The following ACTN4 variants were observed in gnomAD, a reference collection of about 807,000 sequenced individuals.
The protein encoded by ACTN4 is alpha-actinin-4.
In ACTN4, 18 loss-of-function variants were observed where a neutral mutation model predicts 114.2. The observed-to-expected ratio is 0.16, with a 90% CI of 0.11 to 0.23. ACTN4 has a LOEUF of 0.23. ACTN4 is among the 10% of genes least tolerant of loss of function. ACTN4 has a pLI of 1.00. For synonymous variants in ACTN4, 515 were observed against 506.3 expected (o/e 1.02, Z -0.23); for missense variants, 722 against 1,262.9 (o/e 0.57, Z 6.49).
chr19:38,691,519 G>A (rs1373281120), intron 1 of ACTN4, among the ~76,000 whole-genome samples: 1 of 151,772 alleles, frequency 6.6e-6, no homozygotes, highest in East Asian at 1.9e-4. Flanking sequence ...TTTGAGGCAA[G>A]TCCTGAGTGA....
chr19:38,672,327 A>G (rs1227142703), intron 1 of ACTN4, among the ~76,000 whole-genome samples: 5 of 131,944 alleles, frequency 3.8e-5, no homozygotes, highest in Admixed American at 2.8e-4. Context: ...TGCAACCTCC[A>G]CCTCCCAGGT....
At chr19:38,651,026 C>G (rs1381916450) in intron 1 of ACTN4, among the ~76,000 whole-genome samples, 1 of 152,200 alleles carries the variant, frequency 6.6e-6, no homozygotes, top group African/African-American at 2.4e-5. Flanking sequence ...AGCCACTGCA[C>G]CCAGACTGGC....
At chr19:38,652,546 C>T (rs1026904002) in intron 1 of ACTN4, among the ~76,000 whole-genome samples, 2 of 152,106 alleles carry the variant, frequency 1.3e-5, no homozygotes, top group South Asian at 2.1e-4. Flanking sequence ...TTTGAAACAC[C>T]CTCCCTGGTT....
At chr19:38,700,533 A>G in intron 1 of ACTN4, 67 bp from the exon 2 acceptor site, 2 of 1,334,216 alleles carry the variant, frequency 1.5e-6, no homozygotes, top group Non-Finnish European at 2.2e-6. Flanking sequence ...GCGGCCCTGC[A>G]GGTGTGTGGA....
At chr19:38,656,606 A>G (rs1207453380) in intron 1 of ACTN4, among the ~76,000 whole-genome samples, 1 of 152,228 alleles carries the variant, frequency 6.6e-6, no homozygotes, top group Non-Finnish European at 1.5e-5. Flanking sequence ...AAGTAGTTGG[A>G]AGCGGCAGTT....
At position 38,731,069 on chromosome 19, in the gene ACTN4, C is replaced by CT; in HGVS notation, c.*1639dup. The stretch of plus-strand genomic sequence containing the variant: ...TGAGTGCCCACCAGTCCCCGTACCC[C>CT]TTCCCCCCATGCCCCACCATGCCGG... On this transcript the variant is annotated 3_prime_UTR_variant, in exon 21 of 21. Coordinates refer to ENST00000252699, the MANE Select transcript of ACTN4 (RefSeq NM_004924.6). The CT allele has an allele frequency of 1.3e-6, 2 of 1,573,824 alleles. No homozygotes were observed. The highest frequency in any genetic ancestry group is 1.7e-6 in the Non-Finnish European group (2 of 1,159,950).
At chr19:38,699,774 A>G (rs1968207887) in intron 1 of ACTN4, among the ~76,000 whole-genome samples, 1 of 151,768 alleles carries the variant, frequency 6.6e-6, no homozygotes, top group African/African-American at 2.4e-5. Flanking sequence ...AAAAGGAAAA[A>G]AAAGAATAGG....
intron 1 of ACTN4, among the ~76,000 whole-genome samples, chr19:38,690,933 A>G (rs1163383036): frequency 6.6e-6 from 1 of 152,242 alleles, no homozygotes; most frequent in East Asian, 1.9e-4. Context: ...TGGATGCGAG[A>G]TGCCGCAACC....
chr19:38,723,868 C>T (rs1251583951), intron 13 of ACTN4, 69 bp from the exon 14 acceptor site: 21 of 1,569,488 alleles, frequency 1.3e-5, no homozygotes, highest in Admixed American at 1.8e-5. Context: ...TGGACCCCTC[C>T]CCACCCCTCC....
intron 1 of ACTN4, among the ~76,000 whole-genome samples, chr19:38,656,966 A>G (rs1281228610): frequency 6.6e-6 from 1 of 152,012 alleles, no homozygotes; most frequent in Non-Finnish European, 1.5e-5. Flanking sequence ...AAGGGAACAC[A>G]TTTGGTTTTT....
rs906967699 is a variant in ACTN4 at position 38,700,926 on chromosome 19, G to A, written c.278-76G>A. On this transcript the variant is annotated intron_variant, in intron 2 of 20. Coordinates refer to ENST00000252699, the MANE Select transcript of ACTN4 (RefSeq NM_004924.6). Reference sequence around the variant, plus strand: ...TTTGGAGAACAGAGGAGACTCTAAAGCCTCTCTCCCTCTCGCCCTCTCTCC... The same window carrying A: ...TTTGGAGAACAGAGGAGACTCTAAAACCTCTCTCCCTCTCGCCCTCTCTCC... 3.8e-6 allele frequency: 6 copies of A among 1,582,196 alleles called. No individual in the cohort carries two copies. In the African/African-American group the frequency reaches 5.4e-5, roughly 14 times the overall value.
intron 1 of ACTN4, among the ~76,000 whole-genome samples, chr19:38,683,095 G>A (rs1967628663): frequency 6.6e-6 from 1 of 152,170 alleles, no homozygotes; most frequent in African/African-American, 2.4e-5. Context: ...AAATGAGAAC[G>A]AATGAAGTTT....
intron 1 of ACTN4, among the ~76,000 whole-genome samples, chr19:38,696,870 G>T (rs1968112023): frequency 6.6e-6 from 1 of 152,220 alleles, no homozygotes; most frequent in African/African-American, 2.4e-5. Flanking sequence ...TTGGGGCTTT[G>T]CCTGTGTCAG....
chr19:38,672,762 G>A (rs749054618), intron 1 of ACTN4, among the ~76,000 whole-genome samples: 18 of 151,268 alleles, frequency 1.2e-4, no homozygotes, highest in East Asian at 2.0e-4. Flanking sequence ...TAGTAGAGAC[G>A]GGGTTTCTCC....
intron 16 of ACTN4, among the ~76,000 whole-genome samples, chr19:38,725,145 A>C (rs978224883): frequency 6.6e-6 from 1 of 152,200 alleles, no homozygotes; most frequent in African/African-American, 2.4e-5. Flanking sequence ...TCATTCTTAC[A>C]GCAGTTCTGA....
At chr19:38,675,362 GC>G (rs1967340485) in intron 1 of ACTN4, among the ~76,000 whole-genome samples, 1 of 152,140 alleles carries the variant, frequency 6.6e-6, no homozygotes, top group Non-Finnish European at 1.5e-5. Flanking sequence ...GCTCATTGCA[GC>G]CTTAACCTCC....
In ACTN4 at chr19:38,710,336, G is replaced by T. The variant is rs147795092; in HGVS notation, c.813G>T (p.Ala271=). The change falls in exon 8 of 21, where the codon GCG becomes GCT. Residue 271 remains alanine, a synonymous_variant. Coordinates refer to ENST00000252699, the MANE Select transcript of ACTN4 (RefSeq NM_004924.6). ...VSSFYHAFSG[A]QKAETAANRI... is the part of the protein sequence containing the mutation. ...GCTTCTACCATGCCTTTTCAGGAGC[G>T]CAGAAGGTACCGAGCAGGGCCAGGC... The T allele has an allele frequency of 1.9e-6, 3 of 1,613,494 alleles. No homozygotes were observed. Among genetic ancestry groups the T allele is most frequent in the Non-Finnish European group, 1.7e-6 (2 of 1,179,992 alleles).
intron 1 of ACTN4, among the ~76,000 whole-genome samples, chr19:38,656,510 A>T (rs1976715908): frequency 1.3e-5 from 2 of 152,234 alleles, no homozygotes; most frequent in Non-Finnish European, 2.9e-5. Context: ...CTGCTGAGTT[A>T]ACAAGGCTTA....
chr19:38,720,619 T>C (rs890872808), intron 11 of ACTN4, among the ~76,000 whole-genome samples: 8 of 152,230 alleles, frequency 5.3e-5, no homozygotes, highest in Non-Finnish European at 1.2e-4. Context: ...TGGTACTGGC[T>C]CCATGCCTGC....
Sources: allele counts gnomAD v4.1 joint callset (sites outside exome capture counted in the v4.1 genomes callset), GRCh38; gene constraint gnomAD v4.1.1; transcripts MANE v1.5; gene names NCBI Gene and HGNC (gene_info 2026-07-23, HGNC 2026-07-21).